Variants in AFG2A observed in about 807,000 individuals in gnomAD.
AFG2A encodes ATPase family gene 2 protein homolog A.
chr4:123,114,623 C>A, the AFG2A span, among the ~76,000 whole-genome samples: 1 of 152,216 alleles, frequency 6.6e-6, no homozygotes, highest in African/African-American at 2.4e-5. Context: ...TGATGGGGGA[C>A]CCACCTGGGT....
chr4:123,089,402 T>C, the AFG2A span, among the ~76,000 whole-genome samples: 1 of 152,320 alleles, frequency 6.6e-6, no homozygotes, highest in South Asian at 2.1e-4. Context: ...TGAATTTACA[T>C]GTTTAATACG....
At chr4:123,219,077 A>G in the AFG2A span, among the ~76,000 whole-genome samples, 4 of 152,190 alleles carry the variant, frequency 2.6e-5, no homozygotes, top group African/African-American at 9.6e-5. Context: ...GGGGAAGACA[A>G]AAGCTGATAG....
the AFG2A span, among the ~76,000 whole-genome samples, chr4:122,988,264 T>C: frequency 6.6e-6 from 1 of 151,860 alleles, no homozygotes; most frequent in Non-Finnish European, 1.5e-5. Context: ...GAAGCTCTCT[T>C]TGTTTTAATC....
the AFG2A span, among the ~76,000 whole-genome samples, chr4:123,212,982 C>A: frequency 2.0e-5 from 3 of 152,130 alleles, no homozygotes; most frequent in Non-Finnish European, 4.4e-5. Context: ...ACAGCATAAT[C>A]ATAAAATATC....
At chr4:123,050,133 T>G in the AFG2A span, among the ~76,000 whole-genome samples, 1 of 152,166 alleles carries the variant, frequency 6.6e-6, no homozygotes, top group Non-Finnish European at 1.5e-5. Flanking sequence ...TACTGATTTC[T>G]AGTTTTTGTT....
chr4:123,006,905 T>TG, the AFG2A span, among the ~76,000 whole-genome samples: 2 of 150,072 alleles, frequency 1.3e-5, no homozygotes, highest in Non-Finnish European at 3.0e-5. Context: ...GTTATTTTTT[T>TG]TTTCCATTTG....
At chr4:122,933,631 G>A in the AFG2A span, 1 of 670,202 alleles carries the variant, frequency 1.5e-6, no homozygotes, top group Admixed American at 3.2e-5. Flanking sequence ...CTCAATGAAT[G>A]AATATACTTT....
At chr4:123,042,118 A>C in the AFG2A span, among the ~76,000 whole-genome samples, 1 of 152,154 alleles carries the variant, frequency 6.6e-6, no homozygotes, top group African/African-American at 2.4e-5. Context: ...TCATATTTCA[A>C]TATTTTTGAA....
At chr4:122,955,986 G>A in the AFG2A span, among the ~76,000 whole-genome samples, 1 of 152,156 alleles carries the variant, frequency 6.6e-6, no homozygotes, top group East Asian at 1.9e-4. Flanking sequence ...GTAATGAAGA[G>A]TCTGGATTGC....
chr4:122,988,262 C>G, the AFG2A span, among the ~76,000 whole-genome samples: 4 of 150,442 alleles, frequency 2.7e-5, no homozygotes, highest in Non-Finnish European at 5.9e-5. Context: ...GTGAAGCTCT[C>G]TTTGTTTTAA....
chr4:123,178,047 T>G, the AFG2A span, among the ~76,000 whole-genome samples: 1 of 152,240 alleles, frequency 6.6e-6, no homozygotes, highest in African/African-American at 2.4e-5. Context: ...TCTCTATAAT[T>G]TACATGAATC....
the AFG2A span, among the ~76,000 whole-genome samples, chr4:123,243,935 C>T: frequency 2.6e-5 from 4 of 152,096 alleles, no homozygotes; most frequent in South Asian, 6.3e-4. Flanking sequence ...GGTGGGAGGA[C>T]CGCTTGGACC....
the AFG2A span, among the ~76,000 whole-genome samples, chr4:122,981,157 T>A: frequency 6.6e-6 from 1 of 152,216 alleles, no homozygotes; most frequent in Non-Finnish European, 1.5e-5. Context: ...TTTAATCCAT[T>A]TTGAACTGAT....
At chr4:123,174,442 C>G in the AFG2A span, among the ~76,000 whole-genome samples, 8 of 152,130 alleles carry the variant, frequency 5.3e-5, no homozygotes, top group Non-Finnish European at 1.0e-4. Flanking sequence ...TTTTGGGGAG[C>G]CTCAGTTAAC....
the AFG2A span, among the ~76,000 whole-genome samples, chr4:123,210,792 A>G: frequency 6.6e-6 from 1 of 152,036 alleles, no homozygotes; most frequent in Non-Finnish European, 1.5e-5. Context: ...GCTTATAGAA[A>G]TTGACTAGTT....
At chr4:123,277,982 C>T in the AFG2A span, among the ~76,000 whole-genome samples, 1 of 152,056 alleles carries the variant, frequency 6.6e-6, no homozygotes, top group Non-Finnish European at 1.5e-5. Context: ...ATGATGCTGG[C>T]CTCATAGAAC....
At chr4:123,068,395 A>G in the AFG2A span, among the ~76,000 whole-genome samples, 1 of 152,222 alleles carries the variant, frequency 6.6e-6, no homozygotes, top group Non-Finnish European at 1.5e-5. Flanking sequence ...AATCTTCAGC[A>G]TTAATTACAG....
At chr4:123,007,146 G>C in the AFG2A span, among the ~76,000 whole-genome samples, 5 of 151,856 alleles carry the variant, frequency 3.3e-5, no homozygotes, top group Non-Finnish European at 7.4e-5. Flanking sequence ...AAGTGTTTTG[G>C]TAACAGTTTG....
At chr4:123,238,557 C>T in the AFG2A span, among the ~76,000 whole-genome samples, 1 of 152,174 alleles carries the variant, frequency 6.6e-6, no homozygotes, top group African/African-American at 2.4e-5. Flanking sequence ...TGGAGTGGAC[C>T]TCCAGCAAAC....
Sources: allele counts gnomAD v4.1 joint callset (sites outside exome capture counted in the v4.1 genomes callset), GRCh38; gene constraint gnomAD v4.1.1; transcripts MANE v1.5; gene names NCBI Gene and HGNC (gene_info 2026-07-23, HGNC 2026-07-21).